Variants in ZC3H3 observed in about 807,000 individuals in gnomAD.
The protein encoded by ZC3H3 is zinc finger CCCH domain-containing protein 3.
ZC3H3 carries 36 observed loss-of-function variants against 77.3 expected under a neutral mutation model. The observed-to-expected ratio is 0.47, with a 90% confidence interval of 0.36 to 0.61. The LOEUF is 0.61. ZC3H3 is among the 20% of genes least tolerant of loss of function. The pLI is 0.00. For synonymous variants in ZC3H3, 626 were observed against 555.2 expected (o/e 1.13, Z -1.79); for missense variants, 1,331 against 1,312.2 (o/e 1.01, Z -0.22).
chr8:143,510,856 G>A (rs1188637920), intron 3 of ZC3H3, among the ~76,000 whole-genome samples: 4 of 152,108 alleles, frequency 2.6e-5, no homozygotes, highest in African/African-American at 4.8e-5. Flanking sequence ...ATGCATTCCC[G>A]TGGCACACTC....
In ZC3H3 at chr8:143,489,440, C is replaced by T. The variant is rs578074916; in HGVS notation, c.1716-13855G>A. On this transcript the variant is annotated intron_variant, in intron 4 of 11. Transcript: ENST00000262577. The stretch of plus-strand genomic sequence containing the variant: ...CCTTTGGGGGGATGCGCCCTCCCAC[C>T]GCGGCTGGGCCACGGAGCCCCGCCC... 2.0e-5 allele frequency among the ~76,000 whole-genome samples: 3 copies of T among 152,278 alleles called. No individual in the cohort carries two copies. In the South Asian group the frequency reaches 6.2e-4, roughly 32 times the overall value.
Position 143,507,858 on chromosome 8 carries a change from C to G in ZC3H3, c.1603G>C (p.Val535Leu). 6.2e-7 allele frequency: 1 copy of G among 1,609,762 alleles called. No homozygotes were observed. Among genetic ancestry groups the G allele is most frequent in the South Asian group, 1.1e-5 (1 of 90,752 alleles). Reference sequence around the variant, plus strand: ...ACAATGCGGTAGCGGGTCTTGATCACCTTGCTGGTGGGTGCAGTCCGCACG... The same window carrying G: ...ACAATGCGGTAGCGGGTCTTGATCAGCTTGCTGGTGGGTGCAGTCCGCACG... ...HAVRTAPTSKVIKTRYRIVKK... is the reference protein window; with the variant it reads ...HAVRTAPTSKLIKTRYRIVKK... Residue 535 changes from valine (V) to leucine (L), a missense_variant, in exon 4 of 12, where the codon GTG becomes CTG. Physicochemically the swap from Val to Leu is conservative, Grantham distance 32 (BLOSUM62 1). Coordinates refer to ENST00000262577, the MANE Select transcript of ZC3H3 (RefSeq NM_015117.3).
chr8:143,531,299 T>A (rs1822597608), intron 3 of ZC3H3, among the ~76,000 whole-genome samples: 1 of 151,582 alleles, frequency 6.6e-6, no homozygotes, highest in African/African-American at 2.4e-5. Context: ...AACAGACCCA[T>A]CCCCAGGAGA....
intron 1 of ZC3H3, 83 bp downstream of exon 1, chr8:143,541,293 C>T: frequency 6.3e-7 from 1 of 1,588,000 alleles, no homozygotes; most frequent in South Asian, 1.1e-5. Flanking sequence ...CGGTGAGCGA[C>T]CCCTTCGACA....
At position 143,475,459 on chromosome 8, in the gene ZC3H3, GT is replaced by G; in HGVS notation, c.1841del (p.Asn614ThrfsTer120). On this transcript the variant is annotated frameshift_variant, in exon 5 of 12. Transcript: ENST00000262577. LOFTEE classifies it high-confidence loss of function. ...GCTGGCCGGAGGTCTTGGAGAGCTT[GT>G]TGGCAGATACTTTGTAGAGGACCCC... is the stretch of plus-strand genomic sequence containing the variant. ...IGGVLYKVSA[N>X]KLSKTSGQPS... 1 of 1,613,204 alleles carries G rather than the reference GT, an allele frequency of 6.2e-7. No homozygotes were observed. Among genetic ancestry groups the G allele is most frequent in the Non-Finnish European group, 8.5e-7 (1 of 1,179,958 alleles).
At chr8:143,495,050 A>G (rs991681670) in intron 4 of ZC3H3, among the ~76,000 whole-genome samples, 58 of 152,346 alleles carry the variant, frequency 3.8e-4, no homozygotes, top group African/African-American at 1.1e-3. Flanking sequence ...ATGTCACATC[A>G]AGTCAGCAGA....
At chr8:143,501,724 C>T (rs1404030353) in intron 4 of ZC3H3, among the ~76,000 whole-genome samples, 3 of 149,934 alleles carry the variant, frequency 2.0e-5, no homozygotes, top group South Asian at 2.1e-4. Context: ...TGCCCGGCCC[C>T]GGGGCGCTGG....
At chr8:143,488,776 C>T (rs60369792) in intron 4 of ZC3H3, among the ~76,000 whole-genome samples, 2,795 of 152,316 alleles carry the variant, frequency 0.018, 79 homozygotes, top group African/African-American at 0.063. Context: ...CAAACATCCT[C>T]ACGAAATTCA....
chr8:143,517,151 T>C (rs1365283495), intron 3 of ZC3H3, among the ~76,000 whole-genome samples: 2 of 152,226 alleles, frequency 1.3e-5, no homozygotes, highest in African/African-American at 4.8e-5. Flanking sequence ...TTCCCGTTAA[T>C]TATTGTGCGC....
intron 4 of ZC3H3, among the ~76,000 whole-genome samples, chr8:143,501,263 T>G (rs997953773): frequency 6.6e-6 from 1 of 152,172 alleles, no homozygotes; most frequent in African/African-American, 2.4e-5. Context: ...TACAGTGGCA[T>G]GATCATGGCT....
At chr8:143,490,406 A>T (rs915332428) in intron 4 of ZC3H3, among the ~76,000 whole-genome samples, 1 of 152,172 alleles carries the variant, frequency 6.6e-6, no homozygotes, top group African/African-American at 2.4e-5. Flanking sequence ...CACTGTCCAC[A>T]TGCCAACTGC....
rs571985943 is a variant in ZC3H3, at chr8:143,539,191, C to T, written c.176G>A (p.Arg59Gln). The T allele has an allele frequency of 1.7e-5, 28 of 1,612,924 alleles. No homozygotes were observed. Among genetic ancestry groups the T allele is most frequent in the African/African-American group, 1.6e-4 (12 of 75,020 alleles). Residue 59 changes from arginine (R) to glutamine (Q), a missense_variant, in exon 2 of 12, where the codon CGG (arginine) becomes CAG (glutamine). This residue lies in a region of ZC3H3 where 978 missense variants were observed against 915.5 expected (regional missense o/e 1.07). Coordinates refer to ENST00000262577, the MANE Select transcript of ZC3H3 (RefSeq NM_015117.3). Reference protein sequence around the residue: ...AFSARYPRPSRRGYSSHHGPS... With the variant: ...AFSARYPRPSQRGYSSHHGPS... ...CCCATGGTGGGAAGAGTAGCCCCTC[C>T]GGCTTGGACGAGGGTAGCGGGCACT...
chr8:143,479,305 ACT>A (rs1214894843), intron 4 of ZC3H3, among the ~76,000 whole-genome samples: 2 of 152,052 alleles, frequency 1.3e-5, no homozygotes, highest in African/African-American at 4.8e-5. Context: ...GTGTCACAGC[ACT>A]CCAGTAAATT....
At position 143,439,976 on chromosome 8, in the gene ZC3H3, G is replaced by A. The variant is rs149184304; in HGVS notation, c.2815+65C>T. The stretch of plus-strand genomic sequence containing the variant: ...GGGCCCTGGGGGCCTGAGCCAGGCC[G>A]TGCTGCCTACCTGAATCCTTGGTGA... On this transcript the variant is annotated intron_variant, in intron 11 of 11. Coordinates refer to ENST00000262577, the MANE Select transcript of ZC3H3 (RefSeq NM_015117.3). The A allele has an allele frequency of 2.3e-3, 3,181 of 1,379,584 alleles. 11 individuals are homozygous for A. Among genetic ancestry groups the A allele is most frequent in the African/African-American group, 6.5e-3 (420 of 64,172 alleles). The allele number at this position is 1,379,584 out of a possible 1,614,324, so 85.5% of individuals were successfully genotyped here. A position where few individuals can be genotyped will look rare whatever the true frequency, so the allele number is the denominator to read the frequency against.
At chr8:143,536,705 G>A (rs1822811176) in intron 2 of ZC3H3, among the ~76,000 whole-genome samples, 1 of 152,180 alleles carries the variant, frequency 6.6e-6, no homozygotes, top group African/African-American at 2.4e-5. Context: ...CATGCTCCCA[G>A]GGAGAGCAGA....
chr8:143,463,519 T>C (rs998376797), intron 9 of ZC3H3, among the ~76,000 whole-genome samples: 14 of 152,022 alleles, frequency 9.2e-5, no homozygotes, highest in Non-Finnish European at 1.8e-4. Flanking sequence ...GGAAAACTCT[T>C]CCGTTCAAGG....
chr8:143,513,881 T>C (rs1821950182), intron 3 of ZC3H3, among the ~76,000 whole-genome samples: 4 of 152,090 alleles, frequency 2.6e-5, no homozygotes, highest in African/African-American at 9.7e-5. Flanking sequence ...GTGGACAGGG[T>C]GGCCCAGCCA....
intron 5 of ZC3H3, among the ~76,000 whole-genome samples, chr8:143,470,959 C>A (rs1407173204): frequency 6.6e-6 from 1 of 152,196 alleles, no homozygotes; most frequent in African/African-American, 2.4e-5. Context: ...CGGCTCCCAC[C>A]AGCCCCACCC....
At chr8:143,515,528 C>T (rs939734032) in intron 3 of ZC3H3, among the ~76,000 whole-genome samples, 1 of 152,278 alleles carries the variant, frequency 6.6e-6, no homozygotes, top group Non-Finnish European at 1.5e-5. Context: ...ACGGGCCTCC[C>T]AGGCCCCTCC....
Sources: gnomAD v4.1 joint callset for allele counts (sites outside exome capture counted in the v4.1 genomes callset) on GRCh38, gnomAD v4.1.1 for gene constraint, gnomAD v4.1.1 regional missense constraint, MANE v1.5 for transcripts, NCBI Gene and HGNC (gene_info 2026-07-23, HGNC 2026-07-21) for gene names.